The following STXBP5 variants were observed in gnomAD, a reference collection of about 807,000 sequenced individuals.
STXBP5 encodes syntaxin binding protein 5, also known as syntaxin-binding protein 5.
In STXBP5, 50 loss-of-function variants were observed where a neutral mutation model predicts 152.4. The ratio of observed to expected loss-of-function variants is 0.33; its 90% confidence interval spans 0.26 to 0.42. The LOEUF (loss-of-function observed/expected upper bound fraction) is 0.42. Ranked by LOEUF, STXBP5 falls within the 10% of genes least tolerant of loss-of-function variation. The probability of loss-of-function intolerance (pLI) is 1.00; values close to 1 mark genes in which losing one functional copy is unlikely to be tolerated. For synonymous variants in STXBP5, 492 were observed against 494.7 expected (o/e 0.99, Z 0.07); for missense variants, 1,167 against 1,388.6 (o/e 0.84, Z 2.54).
intron 18 of STXBP5, among the ~76,000 whole-genome samples, chr6:147,333,610 C>G (rs78990506): frequency 0.024 from 3,707 of 152,270 alleles, 125 homozygotes; most frequent in African/African-American, 0.084. Context: ...AAATGGGAAA[C>G]TTTTCTTAGA....
Position 147,242,708 on chromosome 6 carries a change from A to G in STXBP5, c.431+3438A>G, listed in dbSNP as rs147771884. The stretch of plus-strand genomic sequence containing the variant: ...TTGTAGCTTAGGAGCAATAGGCTGT[A>G]CTATACAGCCTAGGTGTGTAGTAGG... On this transcript the variant is annotated intron_variant, in intron 4 of 27. Transcript: ENST00000321680. 2.0e-3 allele frequency among the ~76,000 whole-genome samples: 312 copies of G among 152,324 alleles called. 1 individual carries two copies. The highest frequency in any genetic ancestry group is 6.9e-3 in the African/African-American group (285 of 41,586).
At chr6:147,288,192 G>A (rs1191016317) in intron 8 of STXBP5, among the ~76,000 whole-genome samples, 1 of 152,150 alleles carries the variant, frequency 6.6e-6, no homozygotes, top group Non-Finnish European at 1.5e-5. Context: ...GAATGCCCTG[G>A]GGGTAGGGAT....
In STXBP5 at chr6:147,387,671, T is replaced by G. The variant is rs1435475138; in HGVS notation, c.*2916T>G. The G allele has an allele frequency of 2.0e-5, 3 of 151,858 alleles. No homozygotes were observed. The highest frequency in any genetic ancestry group is 4.4e-5 in the Non-Finnish European group (3 of 67,792). 9.4% of individuals were successfully genotyped at this position (151,858 alleles called of 1,614,324 possible). On this transcript the variant is annotated 3_prime_UTR_variant, in exon 28 of 28. Transcript: ENST00000321680. ...ATGGTTATAGATTCGACTGAGCTATTACTAACTTCTCCATTTGATTTTTTA... is the reference window on the plus strand; with the variant it reads ...ATGGTTATAGATTCGACTGAGCTATGACTAACTTCTCCATTTGATTTTTTA...
At chr6:147,327,039 C>T (rs1783295681) in intron 17 of STXBP5, 86 bp from the exon 18 acceptor site, 6 of 1,258,570 alleles carry the variant, frequency 4.8e-6, no homozygotes, top group Middle Eastern at 2.4e-4. Flanking sequence ...ACCCACCATG[C>T]TTCTTTCTTC....
intron 4 of STXBP5, among the ~76,000 whole-genome samples, chr6:147,246,951 A>G (rs1434900310): frequency 1.3e-5 from 2 of 152,240 alleles, no homozygotes; most frequent in East Asian, 3.8e-4. Context: ...AAGTAAATGT[A>G]TATAGAAACG....
intron 8 of STXBP5, among the ~76,000 whole-genome samples, chr6:147,284,459 C>A (rs534588414): frequency 6.6e-6 from 1 of 152,154 alleles, no homozygotes; most frequent in South Asian, 2.1e-4. Flanking sequence ...AGCTCATCAT[C>A]AAGTGAATAA....
chr6:147,317,013 T>C (rs1782678392), intron 16 of STXBP5, among the ~76,000 whole-genome samples: 1 of 152,116 alleles, frequency 6.6e-6, no homozygotes, highest in African/African-American at 2.4e-5. Context: ...TTAAAATCAT[T>C]GAAAAAGTAC....
At chr6:147,358,992 G>C in intron 22 of STXBP5, 92 bp from the exon 23 acceptor site, 2 of 1,431,596 alleles carry the variant, frequency 1.4e-6, no homozygotes, top group Non-Finnish European at 1.9e-6. Flanking sequence ...TCTTCTTGCA[G>C]ATTAACTATT....
intron 4 of STXBP5, among the ~76,000 whole-genome samples, chr6:147,259,406 A>G (rs1779538557): frequency 6.6e-6 from 1 of 152,178 alleles, no homozygotes; most frequent in South Asian, 2.1e-4. Flanking sequence ...ATACTTGGTT[A>G]AACTTACATA....
intron 1 of STXBP5, among the ~76,000 whole-genome samples, chr6:147,205,734 G>A (rs911893186): frequency 1.3e-4 from 20 of 152,164 alleles, no homozygotes; most frequent in African/African-American, 4.8e-4. Flanking sequence ...TGGAATACCA[G>A]TATTATGGAA....
chr6:147,232,951 A>T (rs923829704), intron 2 of STXBP5, among the ~76,000 whole-genome samples: 2 of 151,632 alleles, frequency 1.3e-5, no homozygotes, highest in Non-Finnish European at 3.0e-5. Context: ...ATTGACGCCC[A>T]TGGCAATTTG....
intron 18 of STXBP5, chr6:147,328,808 T>C (rs1783407544): frequency 2.1e-6 from 1 of 466,846 alleles, no homozygotes. Context: ...CTTGGCATGT[T>C]TGTTCTTTGT....
intron 18 of STXBP5, 123 bp from the exon 19 acceptor site, chr6:147,334,034 A>G: frequency 1.1e-6 from 1 of 873,630 alleles, no homozygotes. Context: ...TATCAGTACC[A>G]CAGTCTGTTA....
chr6:147,380,813 A>G (rs969979478), intron 26 of STXBP5, among the ~76,000 whole-genome samples: 10 of 152,194 alleles, frequency 6.6e-5, no homozygotes, highest in African/African-American at 2.2e-4. Flanking sequence ...AACTCTTAAA[A>G]ACTCAATAAT....
At chr6:147,378,318 T>G (rs895490504) in intron 26 of STXBP5, among the ~76,000 whole-genome samples, 10 of 150,394 alleles carry the variant, frequency 6.6e-5, no homozygotes, top group African/African-American at 2.2e-4. Flanking sequence ...AAATCTGAAG[T>G]GAAATATTAA....
intron 6 of STXBP5, among the ~76,000 whole-genome samples, 194 bp from the exon 7 acceptor site, chr6:147,266,888 CAA>C (rs1451853765): frequency 2.0e-5 from 3 of 152,102 alleles, no homozygotes; most frequent in Non-Finnish European, 4.4e-5. Flanking sequence ...CCCTAATCAT[CAA>C]AGACATATAA....
intron 4 of STXBP5, among the ~76,000 whole-genome samples, chr6:147,254,431 A>G (rs1473020283): frequency 6.6e-6 from 1 of 152,254 alleles, no homozygotes; most frequent in Non-Finnish European, 1.5e-5. Flanking sequence ...ACAAAAGCCA[A>G]AATTGACAAA....
chr6:147,204,490 C>T lies in STXBP5; in HGVS notation c.-43C>T, dbSNP rs879260468. ...GTGGTCTCCCCCGCCCGGGGACCCC[C>T]TGTGCCTCCCCTCCCGGGCTGCGGG... On this transcript the variant is annotated 5_prime_UTR_variant, in exon 1 of 28. Coordinates refer to ENST00000321680, the MANE Select transcript of STXBP5 (RefSeq NM_001127715.4). This position sits in a 1 kb window ranked among gnomAD's most constrained non-coding sequence, Gnocchi z 4.3. The T allele has an allele frequency of 1.7e-5, 27 of 1,602,790 alleles. No homozygotes were observed. Among genetic ancestry groups the T allele is most frequent in the Non-Finnish European group, 2.2e-5 (26 of 1,175,922 alleles).
intron 8 of STXBP5, among the ~76,000 whole-genome samples, chr6:147,284,558 A>T (rs1780865371): frequency 6.6e-6 from 1 of 152,214 alleles, no homozygotes; most frequent in South Asian, 2.1e-4. Context: ...ATAAGTGGTG[A>T]CTGGTTTTGG....
Sources: allele counts gnomAD v4.1 joint callset (sites outside exome capture counted in the v4.1 genomes callset), GRCh38; gene constraint gnomAD v4.1.1; non-coding constraint Gnocchi (gnomAD v3.1); transcripts MANE v1.5; gene names NCBI Gene and HGNC (gene_info 2026-07-23, HGNC 2026-07-21).